The following FSIP1 variants were observed in gnomAD, a reference collection of about 807,000 sequenced individuals.
The protein encoded by FSIP1 is fibrous sheath interacting protein 1, also known as fibrous sheath-interacting protein 1.
Under a neutral mutation model 60.9 loss-of-function variants are expected in FSIP1, and 65 were observed. That is an observed-to-expected ratio of 1.07 (90% CI 0.87 to 1.31). The LOEUF (loss-of-function observed/expected upper bound fraction) is 1.31, where lower values mean the gene tolerates loss of function less well. FSIP1 is among the 40% of genes most tolerant of loss of function. The pLI, the probability that FSIP1 is intolerant of heterozygous loss-of-function variation, is 0.00. For missense variants in FSIP1, 675 were observed against 665.5 expected, an observed-to-expected ratio of 1.01 and a Z score of -0.16; for synonymous variants, 209 against 221.2, an observed-to-expected ratio of 0.94 and a Z score of 0.49.
At chr15:39,739,513 T>G in intron 7 of FSIP1, 152 bp downstream of exon 7, 1 of 659,246 alleles carries the variant, frequency 1.5e-6, no homozygotes, top group East Asian at 3.1e-5. Context: ...AAGTACTGGT[T>G]CATAAAAGTT....
chr15:39,655,470 G>A (rs1893034880), intron 10 of FSIP1, among the ~76,000 whole-genome samples: 1 of 152,150 alleles, frequency 6.6e-6, no homozygotes, highest in Non-Finnish European at 1.5e-5. Context: ...TTCTTCTGCT[G>A]ATTCAACATT....
intron 10 of FSIP1, among the ~76,000 whole-genome samples, chr15:39,644,806 T>A (rs1031259312): frequency 5.3e-5 from 8 of 152,158 alleles, no homozygotes; most frequent in African/African-American, 1.9e-4. Context: ...TTCAGGAAAT[T>A]CCAAGGCCGG....
chr15:39,636,099 C>T (rs1892127510), intron 10 of FSIP1, among the ~76,000 whole-genome samples: 1 of 152,156 alleles, frequency 6.6e-6, no homozygotes. Flanking sequence ...GGACTTCTTG[C>T]TCTTATAGTA....
chr15:39,705,761 G>A lies in FSIP1; in HGVS notation c.1188+7683C>T, dbSNP rs8029547. Reference sequence around the variant, plus strand: ...ACCTGTAATCCCAGCACTTTGGGAGGCCAAGGCAAGCAGATCACTTGAGGT... The same window carrying A: ...ACCTGTAATCCCAGCACTTTGGGAGACCAAGGCAAGCAGATCACTTGAGGT... On this transcript the variant is annotated intron_variant, in intron 10 of 11. Transcript: ENST00000350221. 1.5e-3 allele frequency among the ~76,000 whole-genome samples: 221 copies of A among 152,128 alleles called. 1 individual carries two copies. Among genetic ancestry groups the A allele is most frequent in the African/African-American group, 5.1e-3 (211 of 41,496 alleles).
At chr15:39,750,045 C>T (rs1174758210) in intron 5 of FSIP1, among the ~76,000 whole-genome samples, 1 of 151,686 alleles carries the variant, frequency 6.6e-6, no homozygotes, top group African/African-American at 2.4e-5. Flanking sequence ...ATCAAGAAAA[C>T]AATCTCATTT....
intron 10 of FSIP1, among the ~76,000 whole-genome samples, chr15:39,650,689 C>T (rs1438097459): frequency 6.6e-6 from 1 of 152,208 alleles, no homozygotes; most frequent in African/African-American, 2.4e-5. Context: ...AAGGGAACTT[C>T]CCAGTTCTGA....
In FSIP1 at chr15:39,763,944, T is replaced by A. The variant is rs772829682; in HGVS notation, c.466-30A>T. On this transcript the variant is annotated intron_variant, in intron 4 of 11. Transcript: ENST00000350221. ...TGAAAGGAAAATTAAAATTTAAACA[T>A]GGGAAAAGAAGGCAACTATAATCAT... 8 of 1,231,926 alleles carry A rather than the reference T, an allele frequency of 6.5e-6. No homozygotes were observed. In the South Asian group the frequency reaches 1.0e-4, roughly 16 times the overall value. 76.3% of individuals were successfully genotyped at this position (1,231,926 alleles called of 1,614,324 possible).
downstream of FSIP1, chr15:39,598,597 G>A (rs1228613025): frequency 1.3e-5 from 2 of 152,126 alleles, no homozygotes; most frequent in Non-Finnish European, 2.9e-5. Context: ...CTGGAAAGAG[G>A]AGCTTTTCTT....
At chr15:39,724,972 C>T (rs1401591094) in intron 9 of FSIP1, among the ~76,000 whole-genome samples, 3 of 152,206 alleles carry the variant, frequency 2.0e-5, no homozygotes, top group African/African-American at 7.2e-5. Context: ...GTGGCTCATG[C>T]CTGTAATCCC....
intron 10 of FSIP1, among the ~76,000 whole-genome samples, chr15:39,693,388 G>A (rs1466763925): frequency 2.0e-5 from 3 of 152,172 alleles, no homozygotes; most frequent in African/African-American, 4.8e-5. Context: ...TTTAATGACT[G>A]AGGCACACTC....
chr15:39,701,985 T>C (rs1443701517), intron 10 of FSIP1, among the ~76,000 whole-genome samples: 1 of 152,208 alleles, frequency 6.6e-6, no homozygotes, highest in African/African-American at 2.4e-5. Context: ...CATTTTCAAC[T>C]GAACATTCAA....
intron 7 of FSIP1, 57 bp from the exon 8 acceptor site, chr15:39,738,258 A>G: frequency 2.9e-6 from 3 of 1,030,042 alleles, no homozygotes; most frequent in Non-Finnish European, 4.2e-6. Context: ...CAGTTCAGGA[A>G]AAAAAAAATG....
chr15:39,668,075 A>G (rs1893567889), intron 10 of FSIP1, among the ~76,000 whole-genome samples: 1 of 152,154 alleles, frequency 6.6e-6, no homozygotes, highest in African/African-American at 2.4e-5. Flanking sequence ...CTATTGCAGT[A>G]AACTTAGGAT....
chr15:39,745,405 T>C (rs1278257414), intron 5 of FSIP1, among the ~76,000 whole-genome samples: 3 of 152,212 alleles, frequency 2.0e-5, no homozygotes, highest in African/African-American at 4.8e-5. Context: ...AAAAACATTA[T>C]TAAACTTCTA....
chr15:39,602,173 T>C (rs1246767795), intron 11 of FSIP1, among the ~76,000 whole-genome samples: 1 of 152,140 alleles, frequency 6.6e-6, no homozygotes, highest in Non-Finnish European at 1.5e-5. Context: ...GGGCCCTATA[T>C]TCAATAAGAA....
chr15:39,756,709 CCT>C (rs770787640), intron 5 of FSIP1, among the ~76,000 whole-genome samples: 9 of 151,926 alleles, frequency 5.9e-5, no homozygotes, highest in Non-Finnish European at 1.0e-4. Context: ...AGAATTTCTC[CCT>C]TTGTTTAAAG....
At chr15:39,709,598 AT>A (rs1322017406) in intron 10 of FSIP1, among the ~76,000 whole-genome samples, 2 of 152,138 alleles carry the variant, frequency 1.3e-5, no homozygotes, top group Non-Finnish European at 2.9e-5. Context: ...TACTCTCTTG[AT>A]TTTAAAGCAA....
intron 9 of FSIP1, among the ~76,000 whole-genome samples, chr15:39,722,323 A>C (rs1896015415): frequency 1.3e-5 from 2 of 152,056 alleles, no homozygotes; most frequent in African/African-American, 4.8e-5. Flanking sequence ...GAGTTGTATA[A>C]TTATTTTGTT....
At chr15:39,729,952 G>C (rs574497109) in intron 8 of FSIP1, among the ~76,000 whole-genome samples, 25 of 152,262 alleles carry the variant, frequency 1.6e-4, no homozygotes, top group African/African-American at 5.5e-4. Context: ...CTTATTACCA[G>C]GATGATGAAA....
Sources: allele counts gnomAD v4.1 joint callset (sites outside exome capture counted in the v4.1 genomes callset), GRCh38; gene constraint gnomAD v4.1.1; transcripts MANE v1.5; gene names NCBI Gene and HGNC (gene_info 2026-07-23, HGNC 2026-07-21).